Variants in CEP162 observed in about 807,000 individuals in gnomAD.
CEP162 encodes the protein centrosomal protein of 162 kDa.
CEP162 carries 141 observed loss-of-function variants against 169.2 expected under a neutral mutation model. That is an observed-to-expected ratio of 0.83 (90% CI 0.73 to 0.96). CEP162 has a LOEUF of 0.96. Among genes scored for constraint, CEP162 ranks in the 40% least tolerant of loss-of-function variants. CEP162 has a pLI of 0.00. For synonymous variants in CEP162, 540 were observed against 526.4 expected (o/e 1.03, Z -0.35); for missense variants, 1,600 against 1,587.2 (o/e 1.01, Z -0.14).
At chr6:84,173,291 A>G (rs1268287202) in intron 16 of CEP162, among the ~76,000 whole-genome samples, 1 of 152,206 alleles carries the variant, frequency 6.6e-6, no homozygotes, top group Non-Finnish European at 1.5e-5. Context: ...CCAAAAAGTA[A>G]GTAAAAAATG....
At chr6:84,220,685 AC>A (rs2099553363) in intron 3 of CEP162, among the ~76,000 whole-genome samples, 1 of 152,152 alleles carries the variant, frequency 6.6e-6, no homozygotes, top group South Asian at 2.1e-4. Context: ...AAACTGTGAT[AC>A]CAAGGTCTAT....
At chr6:84,209,663 C>T (rs1180229193) in intron 6 of CEP162, among the ~76,000 whole-genome samples, 1 of 152,166 alleles carries the variant, frequency 6.6e-6, no homozygotes, top group East Asian at 1.9e-4. Context: ...GTGTAAGCCA[C>T]CACACCCGGC....
intron 15 of CEP162, 113 bp from the exon 16 acceptor site, chr6:84,174,301 A>G (rs2129221295): frequency 1.2e-6 from 1 of 858,522 alleles, no homozygotes; most frequent in East Asian, 2.7e-5. Context: ...ATAATATTGA[A>G]CATATTAGAA....
chr6:84,174,830 G>GTTCTTCCAACTT lies in CEP162; in HGVS notation c.1921_1922insAAGTTGGAAGAA (p.Ser641delinsTer), dbSNP rs753912368. Reference sequence around the variant, plus strand: ...ATTTTCTAGTTCTTTCTCCTTTTCTGAGAATGTGGCTTTAATTTGCTCAAT... The same window carrying GTTCTTCCAACTT: ...ATTTTCTAGTTCTTTCTCCTTTTCTGTTCTTCCAACTTAGAATGTGGCTTTAATTTGCTCAAT... On this transcript the variant is annotated stop_gained, in exon 15 of 27. Coordinates refer to ENST00000403245, the MANE Select transcript of CEP162 (RefSeq NM_014895.4). LOFTEE classifies it high-confidence loss of function. 16 of 1,494,944 alleles carry GTTCTTCCAACTT rather than the reference G, an allele frequency of 1.1e-5. No homozygotes were observed. The highest frequency in any genetic ancestry group is 8.2e-5 in the Admixed American group (4 of 48,988). The allele number at this position is 1,494,944 out of a possible 1,614,324, so 92.6% of individuals were successfully genotyped here.
At chr6:84,225,445 G>GC (rs1220834929) in intron 2 of CEP162, among the ~76,000 whole-genome samples, 1 of 152,186 alleles carries the variant, frequency 6.6e-6, no homozygotes, top group African/African-American at 2.4e-5. Context: ...TTATAGGGCA[G>GC]CCCCATTATA....
intron 6 of CEP162, among the ~76,000 whole-genome samples, chr6:84,212,392 G>C (rs1366238980): frequency 6.6e-6 from 1 of 152,008 alleles, no homozygotes; most frequent in Non-Finnish European, 1.5e-5. Flanking sequence ...GAAAAACGTT[G>C]ACAAAAATAG....
chr6:84,132,413 T>C (rs1466276245), intron 25 of CEP162, among the ~76,000 whole-genome samples: 1 of 152,242 alleles, frequency 6.6e-6, no homozygotes, highest in Non-Finnish European at 1.5e-5. Flanking sequence ...GGGGAAGTTC[T>C]CCTGCATAAT....
intron 21 of CEP162, among the ~76,000 whole-genome samples, chr6:84,160,421 T>C (rs1383461025): frequency 6.6e-6 from 1 of 152,146 alleles, no homozygotes; most frequent in African/African-American, 2.4e-5. Flanking sequence ...TTTTGTAACA[T>C]TTCCCAAGCA....
At chr6:84,202,027 C>T (rs2099544726) in intron 7 of CEP162, among the ~76,000 whole-genome samples, 1 of 152,170 alleles carries the variant, frequency 6.6e-6, no homozygotes, top group Non-Finnish European at 1.5e-5. Context: ...AAAATTCTTG[C>T]TTAAAGTATT....
intron 8 of CEP162, 51 bp from the exon 9 acceptor site, chr6:84,200,956 T>G: frequency 1.1e-4 from 119 of 1,102,904 alleles, no homozygotes; most frequent in Middle Eastern, 2.0e-4. Flanking sequence ...ACTCAGTGGT[T>G]CTGTTGATCT....
In CEP162 at chr6:84,215,458, T is replaced by G; in HGVS notation, c.327A>C (p.Val109=). 1 of 1,574,962 alleles carries G rather than the reference T, an allele frequency of 6.3e-7. No homozygotes were observed. The highest frequency in any genetic ancestry group is 1.2e-5 in the South Asian group (1 of 81,608). ...GACTACTATGGTTGAGCTCAGAAACTACTAGTTCTAAATGGAAAGCACAAA... is the reference window on the plus strand; with the variant it reads ...GACTACTATGGTTGAGCTCAGAAACGACTAGTTCTAAATGGAAAGCACAAA... The part of the protein sequence containing the change: ...STDSLETNEL[V]VSELNHSSLG... The change falls in exon 5 of 27, where the codon GTA becomes GTC. Residue 109 remains valine (V), a synonymous_variant. Coordinates refer to ENST00000403245, the MANE Select transcript of CEP162 (RefSeq NM_014895.4).
At chr6:84,181,628 G>A (rs2099534877) in intron 13 of CEP162, among the ~76,000 whole-genome samples, 1 of 151,976 alleles carries the variant, frequency 6.6e-6, no homozygotes, top group South Asian at 2.1e-4. Context: ...TCTTGAAATA[G>A]CAATGCATAA....
chr6:84,124,941 T>C lies in CEP162; in HGVS notation c.*129A>G. ...TGGTTAAAGGCAATTTATTTTGAAA[T>C]GTTGCTTTGGTTGTTTGCTTTCTGG... On this transcript the variant is annotated 3_prime_UTR_variant, in exon 27 of 27. Transcript: ENST00000403245. 1 of 720,214 alleles carries C rather than the reference T, an allele frequency of 1.4e-6. No individual in the cohort carries two copies. Among genetic ancestry groups the C allele is most frequent in the East Asian group, 2.7e-5 (1 of 36,988 alleles). 44.6% of individuals were successfully genotyped at this position (720,214 alleles called of 1,614,324 possible).
At position 84,136,870 on chromosome 6, in the gene CEP162, G is replaced by A. The variant is rs2099514335; in HGVS notation, c.3870+9817C>T. 2.0e-5 allele frequency among the ~76,000 whole-genome samples: 3 copies of A among 152,180 alleles called. No homozygotes were observed. The South Asian group carries it at 6.2e-4, about 32-fold the overall frequency. On this transcript the variant is annotated intron_variant, in intron 25 of 26. Transcript: ENST00000403245. The stretch of plus-strand genomic sequence containing the variant: ...TGGGTTCAATCACTTTTCTGTGTCT[G>A]TTCTCCCCTTGATAAAGAATGGCCA...
rs79050633 is a variant in CEP162 at position 84,213,095 on chromosome 6, C to T, written c.504-71G>A. 103 of 931,918 alleles carry T rather than the reference C, an allele frequency of 1.1e-4. No individual in the cohort carries two copies. The African/African-American group carries it at 1.6e-3, about 14-fold the overall frequency. The allele number at this position is 931,918 out of a possible 1,614,324, so 57.7% of individuals were successfully genotyped here. ...ATTCTCATGCAACTCTTTCTGTATA[C>T]CGTTTTAAAAAATCCCTAAAATTAT... On this transcript the variant is annotated intron_variant, in intron 5 of 26. Transcript: ENST00000403245.
chr6:84,164,456 C>T lies in CEP162; in HGVS notation c.2386-1186G>A, dbSNP rs540620138. Among the ~76,000 whole-genome samples the T allele has an allele frequency of 4.0e-5, 6 of 151,862 alleles. No homozygotes were observed. The South Asian group carries it at 1.0e-3, about 26-fold the overall frequency. The stretch of plus-strand genomic sequence containing the variant: ...AAAGACTTGGAACCAACCCAAATGC[C>T]CAATGATAGACTGGATAAAGAAAAT... On this transcript the variant is annotated intron_variant, in intron 18 of 26. Transcript: ENST00000403245.
chr6:84,138,246 T>C (rs910216183), intron 25 of CEP162, among the ~76,000 whole-genome samples: 3 of 152,174 alleles, frequency 2.0e-5, no homozygotes, highest in African/African-American at 7.2e-5. Flanking sequence ...GCACAAAATA[T>C]TTGAAACAAC....
Position 84,174,856 on chromosome 6 carries a change from T to C in CEP162, c.1896A>G (p.Leu632=). 1 of 1,610,718 alleles carries C rather than the reference T, an allele frequency of 6.2e-7. No homozygotes were observed. Among genetic ancestry groups the C allele is most frequent in the Non-Finnish European group, 8.5e-7 (1 of 1,177,934 alleles). Residue 632 remains leucine, a synonymous_variant, in exon 15 of 27, where the codon CTA becomes CTG. Coordinates refer to ENST00000403245, the MANE Select transcript of CEP162 (RefSeq NM_014895.4). The part of the protein sequence containing the change: ...AEDKWRGAQA[L]IEQIKATFSE... ...AGAATGTGGCTTTAATTTGCTCAAT[T>C]AGGGCTTGCGCACCCCTCCATTTAT...
chr6:84,163,030 A>C (rs2099526404), intron 19 of CEP162, 114 bp downstream of exon 19: 1 of 996,916 alleles, frequency 1.0e-6, no homozygotes, highest in African/African-American at 1.6e-5. Flanking sequence ...TTCTAAAATT[A>C]CAATATACTT....
Sources: gnomAD v4.1 joint callset for allele counts (sites outside exome capture counted in the v4.1 genomes callset) on GRCh38, gnomAD v4.1.1 for gene constraint, MANE v1.5 for transcripts, NCBI Gene and HGNC (gene_info 2026-07-23, HGNC 2026-07-21) for gene names.